The following ZNF670 variants were observed in gnomAD, a reference collection of about 807,000 sequenced individuals.
ZNF670 encodes the protein zinc finger protein 670.
ZNF670 carries 7 observed loss-of-function variants against 10.9 expected under a neutral mutation model. The ratio of observed to expected loss-of-function variants is 0.64; its 90% CI spans 0.36 to 1.20. The LOEUF (loss-of-function observed/expected upper bound fraction) is 1.20, where lower values mean the gene tolerates loss of function less well. Ranked by LOEUF, ZNF670 falls within the 50% of genes most tolerant of loss-of-function variation. ZNF670 has a pLI of 0.02. For synonymous variants in ZNF670, 136 were observed against 152.7 expected, an observed-to-expected ratio of 0.89 and a Z score of 0.81; for missense variants, 446 against 458.6, an observed-to-expected ratio of 0.97 and a Z score of 0.25.
At chr1:247,058,854 C>T (rs909656568) in intron 1 of ZNF670, among the ~76,000 whole-genome samples, 18 of 152,064 alleles carry the variant, frequency 1.2e-4, no homozygotes, top group South Asian at 4.2e-4. Flanking sequence ...TAGGTCTATA[C>T]GTATTTTTAA....
intron 1 of ZNF670, among the ~76,000 whole-genome samples, chr1:247,077,547 C>T (rs1487559016): frequency 6.6e-6 from 1 of 152,016 alleles, no homozygotes; most frequent in Non-Finnish European, 1.5e-5. Context: ...TTTCTGCTTT[C>T]CACTCATGTG....
chr1:247,058,352 A>T (rs1670768743), intron 1 of ZNF670, among the ~76,000 whole-genome samples: 1 of 152,230 alleles, frequency 6.6e-6, no homozygotes, highest in Non-Finnish European at 1.5e-5. Flanking sequence ...ACATCTTCAG[A>T]TACTTTGTGA....
At position 247,072,840 on chromosome 1, in the gene ZNF670, G is replaced by GCATACA. The variant is rs1491568219; in HGVS notation, c.3+5748_3+5753dup. Among the ~76,000 whole-genome samples, 106 of 47,974 alleles carry GCATACA rather than the reference G, an allele frequency of 2.2e-3. 2 individuals carry two copies. The East Asian group carries it at 0.038, about 17-fold the overall frequency. The allele number at this position is 47,974 out of a possible 152,430, so 31.5% of individuals were successfully genotyped here. The stretch of plus-strand genomic sequence containing the variant: ...TATATATATATATATATATATATAT[G>GCATACA]CATACACACACATACACACACACAC... On this transcript the variant is annotated intron_variant, in intron 1 of 3. Transcript: ENST00000366503.
At chr1:247,076,658 C>T (rs115863071) in intron 1 of ZNF670, among the ~76,000 whole-genome samples, 29 of 139,898 alleles carry the variant, frequency 2.1e-4, no homozygotes, top group African/African-American at 5.6e-4. Flanking sequence ...AATAAACTCT[C>T]TTTTTTTTTT....
Position 247,077,562 on chromosome 1 carries a change from G to A in ZNF670, c.3+1032C>T, listed in dbSNP as rs144134628. ...TTTCTGCTTTCCACTCATGTGTAAT[G>A]TTCAGAAATATTTTAAGAGTGAAAA... On this transcript the variant is annotated intron_variant, in intron 1 of 3. Coordinates refer to ENST00000366503, the MANE Select transcript of ZNF670 (RefSeq NM_033213.5). 3.4e-3 allele frequency among the ~76,000 whole-genome samples: 524 copies of A among 152,014 alleles called. 3 individuals carry two copies. Among genetic ancestry groups the A allele is most frequent in the African/African-American group, 0.011 (466 of 41,392 alleles).
At chr1:247,050,421 T>C (rs1481326640) in intron 1 of ZNF670, among the ~76,000 whole-genome samples, 1 of 152,122 alleles carries the variant, frequency 6.6e-6, no homozygotes, top group Non-Finnish European at 1.5e-5. Context: ...TGTGAGTCCT[T>C]ATGTGTCAGG....
At chr1:247,072,804 G>GTATGCATATATATATATATATA (rs1553323550) in intron 1 of ZNF670, among the ~76,000 whole-genome samples, 1 of 47,664 alleles carries the variant, frequency 2.1e-5, no homozygotes, top group Non-Finnish European at 3.6e-5. Context: ...AAAAGTGTGT[G>GTATGCATATATATATATATATA]TATATATATA....
intron 1 of ZNF670, among the ~76,000 whole-genome samples, chr1:247,070,268 A>G (rs1290698659): frequency 1.5e-4 from 23 of 152,094 alleles, no homozygotes; most frequent in Admixed American, 1.5e-3. Context: ...TCAGGAGATC[A>G]AGACCATCCT....
intron 1 of ZNF670, among the ~76,000 whole-genome samples, chr1:247,070,427 C>A (rs149117955): frequency 2.6e-5 from 4 of 152,118 alleles, no homozygotes; most frequent in African/African-American, 9.7e-5. Flanking sequence ...GCCGAGATCA[C>A]GCCACTGCAC....
At chr1:247,074,142 T>C (rs1671199180) in intron 1 of ZNF670, among the ~76,000 whole-genome samples, 1 of 152,182 alleles carries the variant, frequency 6.6e-6, no homozygotes, top group Non-Finnish European at 1.5e-5. Flanking sequence ...TTACGTACAA[T>C]AAAGCCAGAA....
intron 1 of ZNF670, among the ~76,000 whole-genome samples, chr1:247,070,639 T>C (rs1023780675): frequency 6.6e-5 from 10 of 152,062 alleles, no homozygotes; most frequent in African/African-American, 2.4e-4. Flanking sequence ...AAGTGGGACC[T>C]AATCAAACTA....
chr1:247,038,526 T>C (rs1670222975), intron 3 of ZNF670, 99 bp from the exon 4 acceptor site: 2 of 1,271,960 alleles, frequency 1.6e-6, no homozygotes, highest in African/African-American at 1.5e-5. Context: ...ATCTAAATTG[T>C]TTTAAAGTAA....
intron 1 of ZNF670, among the ~76,000 whole-genome samples, chr1:247,039,853 C>T (rs867471026): frequency 2.8e-4 from 42 of 151,704 alleles, no homozygotes; most frequent in African/African-American, 9.9e-4. Flanking sequence ...AAGGGCCTCT[C>T]ATAACGAAGT....
chr1:247,072,566 C>A (rs1286752073), intron 1 of ZNF670, among the ~76,000 whole-genome samples: 1 of 151,374 alleles, frequency 6.6e-6, no homozygotes, highest in Non-Finnish European at 1.5e-5. Flanking sequence ...GGGAGGATCA[C>A]CTGAGGTCAG....
intron 1 of ZNF670, among the ~76,000 whole-genome samples, chr1:247,048,023 A>C (rs1670499628): frequency 1.3e-5 from 2 of 152,140 alleles, no homozygotes; most frequent in Admixed American, 1.3e-4. Context: ...TACTTACATA[A>C]ATTTCTGCAG....
Position 247,037,680 on chromosome 1 carries a change from T to G in ZNF670, c.939A>C (p.Gln313His). 6.2e-7 allele frequency: 1 copy of G among 1,614,072 alleles called. No individual in the cohort carries two copies. Among genetic ancestry groups the G allele is most frequent in the Non-Finnish European group, 8.5e-7 (1 of 1,179,972 alleles). Reference sequence around the variant, plus strand: ...TAGAATATTTGAAGGCTTTACCACATTGTTTACATTCATAGGGCTTTTCTC... The same window carrying G: ...TAGAATATTTGAAGGCTTTACCACAGTGTTTACATTCATAGGGCTTTTCTC... The part of the protein sequence containing the change: ...HSGEKPYECK[Q>H]CGKAFKYSSN... Residue 313 changes from glutamine (Q) to histidine (H), a missense_variant, in exon 4 of 4, where the codon CAA becomes CAC. Transcript: ENST00000366503.
At chr1:247,045,793 T>A (rs1670429521) in intron 1 of ZNF670, among the ~76,000 whole-genome samples, 2 of 151,932 alleles carry the variant, frequency 1.3e-5, no homozygotes, top group Non-Finnish European at 2.9e-5. Context: ...GACAGGGAGA[T>A]GAGGAAAATT....
At chr1:247,056,992 C>T (rs938591436) in intron 1 of ZNF670, among the ~76,000 whole-genome samples, 1 of 152,054 alleles carries the variant, frequency 6.6e-6, no homozygotes, top group Non-Finnish European at 1.5e-5. Flanking sequence ...CAAACATGGA[C>T]GAATGAGATC....
chr1:247,037,829 G>C lies in ZNF670; in HGVS notation c.790C>G (p.Arg264Gly). Residue 264 changes from arginine (R) to glycine (G), a missense_variant, in exon 4 of 4, where the codon CGT becomes GGT. Transcript: ENST00000366503. ...TCATGTATTCCCAAGTAAGTGGAAC[G>C]ACTGAAGGCTTTGCCACATTCCTTA... ...ECKECGKAFSRSTYLGIHERT... is the reference protein window; with the variant it reads ...ECKECGKAFSGSTYLGIHERT... The C allele has an allele frequency of 6.2e-7, 1 of 1,612,556 alleles. No individual in the cohort carries two copies. Among genetic ancestry groups the C allele is most frequent in the East Asian group, 2.2e-5 (1 of 44,810 alleles).
Sources: gnomAD v4.1 joint callset for allele counts (sites outside exome capture counted in the v4.1 genomes callset) on GRCh38, gnomAD v4.1.1 for gene constraint, MANE v1.5 for transcripts, NCBI Gene and HGNC (gene_info 2026-07-23, HGNC 2026-07-21) for gene names.